Variants in HIVEP1 observed in about 807,000 individuals in gnomAD.
The protein encoded by HIVEP1 is HIVEP zinc finger 1.
HIVEP1 carries 36 observed loss-of-function variants against 180.0 expected under a neutral mutation model. The ratio of observed to expected loss-of-function variants is 0.20; its 90% CI spans 0.15 to 0.26. The LOEUF is 0.26. HIVEP1 is among the 10% of genes least tolerant of loss of function. The probability of loss-of-function intolerance (pLI) is 1.00; values close to 1 mark genes in which losing one functional copy is unlikely to be tolerated. For missense variants in HIVEP1, 3,143 were observed against 3,268.7 expected (o/e 0.96, Z 0.94); for synonymous variants, 1,239 against 1,239.0 (o/e 1.00, Z 0.00).
chr6:12,094,506 T>C (rs993251457), intron 3 of HIVEP1, among the ~76,000 whole-genome samples: 1 of 152,028 alleles, frequency 6.6e-6, no homozygotes, highest in African/African-American at 2.4e-5. Context: ...CTATTTTTTA[T>C]TTGTTGAAAT....
chr6:12,209,447 T>A, the HIVEP1 span, among the ~76,000 whole-genome samples: 3 of 152,146 alleles, frequency 2.0e-5, no homozygotes, highest in African/African-American at 2.4e-5. Flanking sequence ...AAACAAAAAA[T>A]TTTTTTCTCT....
intron 1 of HIVEP1, among the ~76,000 whole-genome samples, chr6:12,013,950 C>T (rs1318323076): frequency 6.6e-6 from 1 of 152,142 alleles, no homozygotes; most frequent in Admixed American, 6.5e-5. Flanking sequence ...TGTTTCTTTG[C>T]TGTAATGAAA....
intron 7 of HIVEP1, among the ~76,000 whole-genome samples, chr6:12,147,344 A>G (rs1426887552): frequency 6.6e-6 from 1 of 152,188 alleles, no homozygotes; most frequent in African/African-American, 2.4e-5. Flanking sequence ...CTAAATAGTG[A>G]CACATACAGT....
At chr6:12,052,180 A>C (rs886737622) in intron 2 of HIVEP1, among the ~76,000 whole-genome samples, 1 of 152,224 alleles carries the variant, frequency 6.6e-6, no homozygotes, top group South Asian at 2.1e-4. Flanking sequence ...AGACCACGGC[A>C]TATGTATACA....
rs199639832 is a variant in HIVEP1, at chr6:12,121,260, G to A, written c.1465G>A (p.Val489Ile). 5.5e-5 allele frequency: 88 copies of A among 1,614,130 alleles called. No homozygotes were observed. The highest frequency in any genetic ancestry group is 3.3e-4 in the Middle Eastern group (2 of 6,062). ...SPKALSIHSD[V>I]EDSGESEEEG... ...CAAAGCACTTAGTATTCATTCAGAC[G>A]TAGAAGACAGTGGGGAGAGCGAGGA... Residue 489 changes from valine to isoleucine, a missense_variant, in exon 4 of 9, where the codon GTA becomes ATA. Coordinates refer to ENST00000379388, the MANE Select transcript of HIVEP1 (RefSeq NM_002114.4). This position sits in a 1 kb window ranked among gnomAD's most constrained non-coding sequence, Gnocchi z 5.3.
the HIVEP1 span, among the ~76,000 whole-genome samples, chr6:12,177,534 T>A: frequency 5.3e-5 from 8 of 152,210 alleles, no homozygotes; most frequent in Admixed American, 3.9e-4. Flanking sequence ...ATAAATGAGA[T>A]CTTATGTAGG....
At chr6:12,011,866 G>C (rs1249170961), upstream of HIVEP1, 3 of 124,166 alleles carry the variant, frequency 2.4e-5, no homozygotes, top group African/African-American at 9.1e-5. Context: ...CCGCGGGGAC[G>C]CCCCCTCCCC....
chr6:12,202,413 A>G, the HIVEP1 span, among the ~76,000 whole-genome samples: 1 of 152,192 alleles, frequency 6.6e-6, no homozygotes, highest in Non-Finnish European at 1.5e-5. Flanking sequence ...TGCTAAAATT[A>G]TAGGCGGGAG....
At chr6:12,149,886 T>A (rs2113645575) in intron 7 of HIVEP1, among the ~76,000 whole-genome samples, 2 of 152,334 alleles carry the variant, frequency 1.3e-5, no homozygotes, top group East Asian at 3.9e-4. Context: ...CCCTTCTGAA[T>A]TCTTTACCAC....
intron 7 of HIVEP1, among the ~76,000 whole-genome samples, chr6:12,146,934 T>C (rs1319108279): frequency 1.3e-5 from 2 of 152,058 alleles, no homozygotes; most frequent in African/African-American, 2.4e-5. Context: ...ATGGCCAAAG[T>C]GGTCCCAGAA....
rs192910215 is a variant in HIVEP1, at chr6:12,018,239, C to T, written c.40+2571C>T. Among the ~76,000 whole-genome samples, 493 of 152,328 alleles carry T rather than the reference C, an allele frequency of 3.2e-3. 15 individuals are homozygous for T. The South Asian group carries it at 0.076, about 24-fold the overall frequency. On this transcript the variant is annotated intron_variant, in intron 2 of 8. Coordinates refer to ENST00000379388, the MANE Select transcript of HIVEP1 (RefSeq NM_002114.4). Reference sequence around the variant, plus strand: ...CTCTAGCTGGCCTACAAGCGCCACGCGCGGCCCCCGTTCCTGCCCGCGCTT... The same window carrying T: ...CTCTAGCTGGCCTACAAGCGCCACGTGCGGCCCCCGTTCCTGCCCGCGCTT...
intron 2 of HIVEP1, among the ~76,000 whole-genome samples, chr6:12,065,579 C>G (rs988134518): frequency 6.6e-6 from 1 of 152,102 alleles, no homozygotes. Context: ...CTGGTTCTTC[C>G]CCTGACGGGC....
In HIVEP1 at chr6:12,164,063, T is replaced by C. The variant is rs567867212; in HGVS notation, c.7759T>C (p.Ser2587Pro). Reference sequence around the variant, plus strand: ...ATGCGAGACACAACCCAAGCAGACTTCTGTAGCCAGCGCAAACCAGGTCAG... The same window carrying C: ...ATGCGAGACACAACCCAAGCAGACTCCTGTAGCCAGCGCAAACCAGGTCAG... The part of the protein sequence containing the change: ...KACETQPKQT[S>P]VASANQVSRT... The change falls in exon 9 of 9, where the codon TCT becomes CCT. Residue 2587 changes from serine to proline, a missense_variant. Ser to Pro is a moderately conservative substitution (Grantham distance 74). Around this residue, in one of 12 missense-constraint regions of HIVEP1, gnomAD observed 595 missense variants for 602.2 expected, o/e 0.99. Coordinates refer to ENST00000379388, the MANE Select transcript of HIVEP1 (RefSeq NM_002114.4). 2 of 1,614,090 alleles carry C rather than the reference T, an allele frequency of 1.2e-6. No homozygotes were observed. The highest frequency in any genetic ancestry group is 1.3e-5 in the African/African-American group (1 of 75,028).
At chr6:12,025,169 A>G (rs2113617974) in intron 2 of HIVEP1, among the ~76,000 whole-genome samples, 1 of 152,270 alleles carries the variant, frequency 6.6e-6, no homozygotes, top group South Asian at 2.1e-4. Context: ...GCTTCTAACC[A>G]TCATGCTTAT....
At chr6:12,100,571 G>C (rs1774060051) in intron 3 of HIVEP1, among the ~76,000 whole-genome samples, 1 of 152,142 alleles carries the variant, frequency 6.6e-6, no homozygotes, top group Non-Finnish European at 1.5e-5. Context: ...AATCACTGAA[G>C]TCTTTGGAAT....
intron 2 of HIVEP1, among the ~76,000 whole-genome samples, chr6:12,022,898 A>C (rs1444252987): frequency 2.0e-5 from 3 of 152,344 alleles, no homozygotes; most frequent in East Asian, 3.9e-4. Flanking sequence ...TATTCTTACC[A>C]ATGTGCTGCT....
upstream of HIVEP1, among the ~76,000 whole-genome samples, chr6:12,011,422 TC>T (rs1371443387): frequency 2.7e-5 from 4 of 150,578 alleles, no homozygotes; most frequent in East Asian, 7.9e-4. Flanking sequence ...CCGTCCCTCT[TC>T]CCGGACCAAC....
intron 6 of HIVEP1, among the ~76,000 whole-genome samples, chr6:12,135,269 G>A (rs1056020331): frequency 2.6e-5 from 4 of 152,222 alleles, no homozygotes; most frequent in African/African-American, 9.7e-5. Flanking sequence ...CAATGAAACT[G>A]TTAAGGTCCC....
At chr6:12,107,197 G>A (rs569685636) in intron 3 of HIVEP1, among the ~76,000 whole-genome samples, 181 of 152,304 alleles carry the variant, frequency 1.2e-3, no homozygotes, top group African/African-American at 4.0e-3. Flanking sequence ...AGCAGGTTAC[G>A]TGAATTTTTT....
Sources: gnomAD v4.1 joint callset for allele counts (sites outside exome capture counted in the v4.1 genomes callset) on GRCh38, gnomAD v4.1.1 for gene constraint, gnomAD v4.1.1 regional missense constraint, Gnocchi (gnomAD v3.1) non-coding constraint, MANE v1.5 for transcripts, NCBI Gene and HGNC (gene_info 2026-07-23, HGNC 2026-07-21) for gene names.